Variants in ALKBH8 observed in about 807,000 individuals in gnomAD.
ALKBH8 encodes alkB homolog 8, tRNA methyltransferase, also known as tRNA (carboxymethyluridine(34)-5-O)-methyltransferase ALKBH8.
In ALKBH8, 36 loss-of-function variants were observed where a neutral mutation model predicts 59.8. The ratio of observed to expected loss-of-function variants is 0.60; its 90% CI spans 0.46 to 0.79. The LOEUF is 0.79. Ranked by LOEUF, ALKBH8 falls within the 30% of genes least tolerant of loss-of-function variation. The pLI, the probability that ALKBH8 is intolerant of heterozygous loss-of-function variation, is 0.00. For synonymous variants in ALKBH8, 276 were observed against 273.6 expected, an observed-to-expected ratio of 1.01 and a Z score of -0.09; for missense variants, 768 against 801.0, an observed-to-expected ratio of 0.96 and a Z score of 0.50.
At chr11:107,531,379 C>T (rs1420609324) in intron 8 of ALKBH8, among the ~76,000 whole-genome samples, 1 of 152,278 alleles carries the variant, frequency 6.6e-6, no homozygotes, top group Non-Finnish European at 1.5e-5. Context: ...GAAGCACATA[C>T]TAATTTCTTT....
At chr11:107,554,760 C>G (rs1431756312) in intron 3 of ALKBH8, among the ~76,000 whole-genome samples, 1 of 152,114 alleles carries the variant, frequency 6.6e-6, no homozygotes, top group East Asian at 1.9e-4. Flanking sequence ...TAAATACATA[C>G]CACTGCCTAC....
At chr11:107,525,712 T>A in intron 8 of ALKBH8, 120 bp from the exon 9 acceptor site, 1 of 654,612 alleles carries the variant, frequency 1.5e-6, no homozygotes, top group Non-Finnish European at 2.2e-6. Context: ...ATCTATTGGA[T>A]TCCCTGAATT....
chr11:107,558,769 C>A (rs1451603322), intron 2 of ALKBH8, among the ~76,000 whole-genome samples: 1 of 151,990 alleles, frequency 6.6e-6, no homozygotes, highest in African/African-American at 2.4e-5. Context: ...TATAATTGTT[C>A]AAGCAATTTT....
chr11:107,530,993 C>CA (rs1262011324), intron 8 of ALKBH8, among the ~76,000 whole-genome samples: 1 of 151,812 alleles, frequency 6.6e-6, no homozygotes, highest in Non-Finnish European at 1.5e-5. Flanking sequence ...TTAGTGATAG[C>CA]AAAAATGCTT....
intron 10 of ALKBH8, among the ~76,000 whole-genome samples, chr11:107,516,914 T>C (rs1350101984): frequency 6.6e-6 from 1 of 152,012 alleles, no homozygotes; most frequent in African/African-American, 2.4e-5. Flanking sequence ...TAGTGCCAGC[T>C]ACTAGAGGCT....
intron 9 of ALKBH8, among the ~76,000 whole-genome samples, chr11:107,524,456 A>G (rs1345044429): frequency 1.3e-5 from 2 of 152,234 alleles, no homozygotes; most frequent in Admixed American, 6.5e-5. Context: ...ACATTTGCAT[A>G]AGAAAACTAG....
chr11:107,519,294 G>A (rs1863005971), intron 10 of ALKBH8, among the ~76,000 whole-genome samples: 1 of 151,842 alleles, frequency 6.6e-6, no homozygotes, highest in Non-Finnish European at 1.5e-5. Flanking sequence ...CAGTAGAGAT[G>A]AGGTTTCTCC....
chr11:107,554,089 C>A, intron 3 of ALKBH8, 111 bp from the exon 4 acceptor site: 1 of 1,367,496 alleles, frequency 7.3e-7, no homozygotes, highest in Admixed American at 2.6e-5. Context: ...TCCTCATTTT[C>A]GGAAACAAGA....
intron 10 of ALKBH8, among the ~76,000 whole-genome samples, chr11:107,521,869 G>A (rs1048254411): frequency 4.6e-5 from 7 of 152,080 alleles, no homozygotes; most frequent in African/African-American, 1.7e-4. Flanking sequence ...TCAAGTTCCA[G>A]TTATGTCCCC....
chr11:107,529,746 C>T (rs1863505813), intron 8 of ALKBH8, among the ~76,000 whole-genome samples: 1 of 152,090 alleles, frequency 6.6e-6, no homozygotes, highest in African/African-American at 2.4e-5. Context: ...CTGTGATCCA[C>T]CCGCCTTGGC....
chr11:107,510,799 TA>T, intron 11 of ALKBH8, 87 bp downstream of exon 11: 2 of 1,388,960 alleles, frequency 1.4e-6, no homozygotes, highest in Non-Finnish European at 1.9e-6. Context: ...ACTGAAAAGC[TA>T]AAACAGGGTC....
intron 8 of ALKBH8, among the ~76,000 whole-genome samples, chr11:107,529,138 C>T (rs1177340190): frequency 2.6e-5 from 4 of 152,198 alleles, no homozygotes; most frequent in African/African-American, 9.6e-5. Context: ...CTGCGACTTA[C>T]TGCTTCGTGA....
chr11:107,552,005 G>A, intron 5 of ALKBH8, 93 bp from the exon 6 acceptor site: 1 of 612,888 alleles, frequency 1.6e-6, no homozygotes, highest in Non-Finnish European at 2.4e-6. Flanking sequence ...ATAAATCTCT[G>A]AGCTTTTAAT....
intron 2 of ALKBH8, 112 bp downstream of exon 2, chr11:107,560,653 G>T: frequency 1.9e-6 from 2 of 1,042,770 alleles, no homozygotes; most frequent in East Asian, 2.6e-5. Context: ...TAATATGGAT[G>T]TAACACATGA....
chr11:107,510,457 G>A (rs1430026532), intron 11 of ALKBH8, among the ~76,000 whole-genome samples: 2 of 152,152 alleles, frequency 1.3e-5, no homozygotes, highest in African/African-American at 2.4e-5. Context: ...ACACTCACAT[G>A]TCAGGGATAA....
intron 9 of ALKBH8, among the ~76,000 whole-genome samples, chr11:107,524,225 A>C (rs1217206643): frequency 2.6e-5 from 4 of 151,966 alleles, no homozygotes; most frequent in Admixed American, 6.6e-5. Flanking sequence ...TGCCTGTCTA[A>C]ATTTTGATTT....
chr11:107,541,955 G>A (rs551770208), intron 7 of ALKBH8, among the ~76,000 whole-genome samples: 73 of 152,170 alleles, frequency 4.8e-4, no homozygotes, highest in African/African-American at 1.6e-3. Context: ...GAAAAATGCC[G>A]TAACTGAAAT....
chr11:107,520,965 C>G (rs1863086338), intron 10 of ALKBH8, among the ~76,000 whole-genome samples: 1 of 152,106 alleles, frequency 6.6e-6, no homozygotes, highest in Non-Finnish European at 1.5e-5. Flanking sequence ...GCAATACAGT[C>G]TAACAACTAT....
chr11:107,526,124 G>A (rs1863343322), intron 8 of ALKBH8, among the ~76,000 whole-genome samples: 1 of 151,936 alleles, frequency 6.6e-6, no homozygotes, highest in African/African-American at 2.4e-5. Flanking sequence ...CTACCTAGGA[G>A]TCAAATTGGT....
Sources: gnomAD v4.1 joint callset for allele counts (sites outside exome capture counted in the v4.1 genomes callset) on GRCh38, gnomAD v4.1.1 for gene constraint, MANE v1.5 for transcripts, NCBI Gene and HGNC (gene_info 2026-07-23, HGNC 2026-07-21) for gene names.